Variants in RGS6 observed in about 807,000 individuals in gnomAD.
RGS6 encodes regulator of G-protein signaling 6.
Under a neutral mutation model 78.5 loss-of-function variants are expected in RGS6, and 30 were observed. The observed-to-expected ratio is 0.38, with a 90% CI of 0.29 to 0.52. RGS6 has a LOEUF of 0.52. Ranked by LOEUF, RGS6 falls within the 20% of genes least tolerant of loss-of-function variation. The pLI is 0.85. For missense variants in RGS6, 495 were observed against 609.7 expected (o/e 0.81, Z 1.98); for synonymous variants, 206 against 206.0 (o/e 1.00, Z 0.00).
intron 2 of RGS6, among the ~76,000 whole-genome samples, chr14:72,249,805 G>T (rs1313074525): frequency 6.6e-6 from 1 of 151,998 alleles, no homozygotes; most frequent in Non-Finnish European, 1.5e-5. Context: ...GTTTATTGCG[G>T]CATTATTCAC....
the RGS6 span, among the ~76,000 whole-genome samples, chr14:72,580,588 T>C: frequency 6.6e-6 from 1 of 152,206 alleles, no homozygotes; most frequent in Admixed American, 6.5e-5. Flanking sequence ...GGTGACACCT[T>C]TCAGAGCCAA....
intron 8 of RGS6, among the ~76,000 whole-genome samples, chr14:72,471,694 C>G (rs1288805502): frequency 6.6e-6 from 1 of 152,180 alleles, no homozygotes; most frequent in Non-Finnish European, 1.5e-5. Flanking sequence ...TTTCTCCTGT[C>G]CATGATGCCA....
Position 72,295,246 on chromosome 14 carries a change from C to T in RGS6, c.85-56849C>T, listed in dbSNP as rs1168384993. ...GCGGAGCTTGCAGTGAGCCGAGATC[C>T]CGCCACTGCACTCCAGCCTGGGCGA... On this transcript the variant is annotated intron_variant, in intron 2 of 17. Coordinates refer to ENST00000553525, the MANE Select transcript of RGS6 (RefSeq NM_001204424.2). Among the ~76,000 whole-genome samples, 513 of 150,526 alleles carry T rather than the reference C, an allele frequency of 3.4e-3. 5 individuals are homozygous for T. Among genetic ancestry groups the T allele is most frequent in the African/African-American group, 0.012 (491 of 40,962 alleles).
intron 12 of RGS6, among the ~76,000 whole-genome samples, chr14:72,486,383 G>A (rs1366014543): frequency 1.3e-5 from 2 of 152,122 alleles, no homozygotes; most frequent in Non-Finnish European, 2.9e-5. Context: ...CCATGGCCAG[G>A]AGCAGGGCTT....
chr14:72,576,316 T>C, the RGS6 span, among the ~76,000 whole-genome samples: 2 of 152,168 alleles, frequency 1.3e-5, no homozygotes, highest in Admixed American at 1.3e-4. Flanking sequence ...CAAAACAAGA[T>C]TGTATTTTTC....
At chr14:72,337,038 G>A (rs1236137115) in intron 2 of RGS6, among the ~76,000 whole-genome samples, 1 of 152,182 alleles carries the variant, frequency 6.6e-6, no homozygotes, top group African/African-American at 2.4e-5. Context: ...GGTACTGAAA[G>A]TTAGGACTTC....
At chr14:72,020,320 T>A (rs904399826) in intron 2 of RGS6, among the ~76,000 whole-genome samples, 1 of 152,232 alleles carries the variant, frequency 6.6e-6, no homozygotes, top group Non-Finnish European at 1.5e-5. Context: ...GTCAAAAATT[T>A]AATCAGACCA....
At chr14:71,984,271 G>A (rs1692555535) in intron 2 of RGS6, among the ~76,000 whole-genome samples, 1 of 147,856 alleles carries the variant, frequency 6.8e-6, no homozygotes, top group Non-Finnish European at 1.5e-5. Flanking sequence ...TAAAGCCTGT[G>A]GTTTTGGGGA....
chr14:72,175,810 AG>A (rs1346928316), intron 2 of RGS6, among the ~76,000 whole-genome samples: 1 of 152,130 alleles, frequency 6.6e-6, no homozygotes, highest in Non-Finnish European at 1.5e-5. Context: ...AGCACGGCCT[AG>A]TGGGGAGGGA....
Position 71,948,739 on chromosome 14 carries a change from TC to T in RGS6, c.-21+15799del, listed in dbSNP as rs200799190. On this transcript the variant is annotated intron_variant, in intron 1 of 17. Transcript: ENST00000553525. ...AGCTGATTTCCTTTCTCTCTCTCTC[TC>T]TTTTTTTTTTTTTTTTTTTTTTTTT... 8.3e-3 allele frequency among the ~76,000 whole-genome samples: 257 copies of T among 31,046 alleles called. 31 individuals are homozygous for T. Among genetic ancestry groups the T allele is most frequent in the African/African-American group, 0.05 (232 of 4,674 alleles). 20.4% of individuals were successfully genotyped at this position (31,046 alleles called of 152,430 possible).
chr14:71,907,675 C>T, the RGS6 span, among the ~76,000 whole-genome samples: 1 of 151,476 alleles, frequency 6.6e-6, no homozygotes, highest in Non-Finnish European at 1.5e-5. Flanking sequence ...AGTATGAGGG[C>T]CGGGGTGGGA....
intron 2 of RGS6, among the ~76,000 whole-genome samples, chr14:72,349,613 GT>G (rs2078742329): frequency 8.5e-5 from 13 of 152,252 alleles, no homozygotes; most frequent in Admixed American, 5.9e-4. Flanking sequence ...TGAGGGGATT[GT>G]TTTTTTGATC....
At chr14:72,432,720 AGT>A (rs1170809851) in intron 3 of RGS6, among the ~76,000 whole-genome samples, 1 of 152,244 alleles carries the variant, frequency 6.6e-6, no homozygotes, top group East Asian at 1.9e-4. Context: ...GCTTCCAGAA[AGT>A]GTGGATGAGT....
rs758493714 is a variant in RGS6, at chr14:72,472,093, C to T, written c.537-779C>T. Among the ~76,000 whole-genome samples, 20 of 150,068 alleles carry T rather than the reference C, an allele frequency of 1.3e-4. No homozygotes were observed. The East Asian group carries it at 1.8e-3, about 13-fold the overall frequency. ...TAAAGTAAAGCGTTCCCGAGAGAGC[C>T]GAGACCTAGGAGTTACACGGCAATT... On this transcript the variant is annotated intron_variant, in intron 8 of 17. Coordinates refer to ENST00000553525, the MANE Select transcript of RGS6 (RefSeq NM_001204424.2).
Position 72,192,950 on chromosome 14 carries a change from C to T in RGS6, c.85-159145C>T, listed in dbSNP as rs1392702441. Among the ~76,000 whole-genome samples the T allele has an allele frequency of 2.0e-5, 3 of 151,764 alleles. No homozygotes were observed. In the East Asian group the frequency reaches 5.8e-4, roughly 29 times the overall value. On this transcript the variant is annotated intron_variant, in intron 2 of 17. Transcript: ENST00000553525. ...CACCATCTAAATGGCTTCATCCAGC[C>T]ATGGCAGATGCCCTTTGCTGCTGGG... is the stretch of plus-strand genomic sequence containing the variant.
At position 72,479,256 on chromosome 14, in the gene RGS6, A is replaced by G. The variant is rs528065876; in HGVS notation, c.854+927A>G. The stretch of plus-strand genomic sequence containing the variant: ...ACAAATGGAAGGTATAAAAACTCCA[A>G]CCCCAAACAAAGAGTCTGATTGAAT... On this transcript the variant is annotated intron_variant, in intron 12 of 17. Transcript: ENST00000553525. 2.6e-5 allele frequency among the ~76,000 whole-genome samples: 4 copies of G among 152,240 alleles called. No individual in the cohort carries two copies. The East Asian group carries it at 7.7e-4, about 29-fold the overall frequency.
At chr14:72,483,733 G>A (rs2096430376) in intron 12 of RGS6, among the ~76,000 whole-genome samples, 1 of 151,954 alleles carries the variant, frequency 6.6e-6, no homozygotes, top group African/African-American at 2.4e-5. Flanking sequence ...AAAGACCGGA[G>A]GTATCATTAC....
At chr14:72,382,649 A>G (rs2086494014) in intron 3 of RGS6, among the ~76,000 whole-genome samples, 1 of 152,238 alleles carries the variant, frequency 6.6e-6, no homozygotes. Context: ...TCATCTTAGC[A>G]GCATTGTTCG....
At chr14:72,349,875 T>G (rs1452038263) in intron 2 of RGS6, among the ~76,000 whole-genome samples, 1 of 152,196 alleles carries the variant, frequency 6.6e-6, no homozygotes, top group Non-Finnish European at 1.5e-5. Flanking sequence ...CTTCCAATTC[T>G]CAATGATTTT....
Sources: allele counts gnomAD v4.1 joint callset (sites outside exome capture counted in the v4.1 genomes callset), GRCh38; gene constraint gnomAD v4.1.1; transcripts MANE v1.5; gene names NCBI Gene and HGNC (gene_info 2026-07-23, HGNC 2026-07-21).